NIBAN2: variants seen among roughly 807,000 people sequenced by gnomAD.
The protein encoded by NIBAN2 is protein Niban 2.
In NIBAN2, 36 loss-of-function variants were observed where a neutral mutation model predicts 81.8. The ratio of observed to expected loss-of-function variants is 0.44; its 90% CI spans 0.34 to 0.58. The LOEUF (loss-of-function observed/expected upper bound fraction) is 0.58, where lower values mean the gene tolerates loss of function less well. Among genes scored for constraint, NIBAN2 ranks in the 20% least tolerant of loss-of-function variants. The pLI, the probability that NIBAN2 is intolerant of heterozygous loss-of-function variation, is 0.02. For missense variants in NIBAN2, 897 were observed against 1,014.1 expected, an observed-to-expected ratio of 0.88 and a Z score of 1.57; for synonymous variants, 445 against 441.6, an observed-to-expected ratio of 1.01 and a Z score of -0.10.
chr9:127,506,609 C>G lies in NIBAN2; in HGVS notation c.*236G>C. On this transcript the variant is annotated 3_prime_UTR_variant, in exon 14 of 14. Transcript: ENST00000373312. ...CAGCCCTTGGCACAAGCAGGAAAACCCCAAAACCAGCCCCTGCATCTGAGA... is the reference window on the plus strand; with the variant it reads ...CAGCCCTTGGCACAAGCAGGAAAACGCCAAAACCAGCCCCTGCATCTGAGA... 1 of 425,870 alleles carries G rather than the reference C, an allele frequency of 2.3e-6. No homozygotes were observed. Among genetic ancestry groups the G allele is most frequent in the East Asian group, 3.6e-5 (1 of 28,096 alleles). 26.4% of individuals were successfully genotyped at this position (425,870 alleles called of 1,614,324 possible).
chr9:127,567,284 G>A (rs999994056), intron 1 of NIBAN2, among the ~76,000 whole-genome samples: 1 of 152,212 alleles, frequency 6.6e-6, no homozygotes, highest in Non-Finnish European at 1.5e-5. Context: ...TGGAGGGACT[G>A]TTACAGAGCC....
At chr9:127,561,288 G>A in intron 1 of NIBAN2, 1 of 985,518 alleles carries the variant, frequency 1.0e-6, no homozygotes, top group Non-Finnish European at 1.2e-6. Context: ...GAAAGGAGTG[G>A]GTCATGTCAA....
At position 127,536,884 on chromosome 9, in the gene NIBAN2, A is replaced by C. The variant is rs997685634; in HGVS notation, c.56-5106T>G. ...GAGGAAACTGGCTGTGCCCCCATCT[A>C]CAGAGGCAGGGCTGGCCCGCAGGTC... On this transcript the variant is annotated intron_variant, in intron 1 of 13. Coordinates refer to ENST00000373312, the MANE Select transcript of NIBAN2 (RefSeq NM_022833.4). The surrounding 1 kb of genome is among the most constrained non-coding windows in gnomAD (Gnocchi z 4.0). Among the ~76,000 whole-genome samples the C allele has an allele frequency of 6.6e-6, 1 of 152,150 alleles. No homozygotes were observed.
intron 1 of NIBAN2, chr9:127,561,046 G>T: frequency 1.2e-6 from 1 of 867,206 alleles, no homozygotes; most frequent in Non-Finnish European, 1.4e-6. Context: ...TGACACATGG[G>T]TGGGCAAGGA....
At chr9:127,571,650 C>T (rs565391454), upstream of NIBAN2, among the ~76,000 whole-genome samples, 13 of 151,994 alleles carry the variant, frequency 8.6e-5, no homozygotes, top group African/African-American at 2.2e-4. Context: ...GAGCCAAGAT[C>T]GTGCCACTGC....
chr9:127,518,128 G>C (rs1256266935), intron 5 of NIBAN2, among the ~76,000 whole-genome samples, 187 bp from the exon 6 acceptor site: 1 of 152,126 alleles, frequency 6.6e-6, no homozygotes, highest in Non-Finnish European at 1.5e-5. Context: ...AAGCAGTAAT[G>C]ACCCCACCAC....
upstream of NIBAN2, chr9:127,569,139 G>A (rs1183472997): frequency 1.8e-5 from 13 of 724,352 alleles, no homozygotes; most frequent in Non-Finnish European, 2.0e-5. Flanking sequence ...CCACGCCCCC[G>A]CAGGCCAACC....
At chr9:127,515,556 G>A (rs577421162) in intron 8 of NIBAN2, among the ~76,000 whole-genome samples, 1 of 145,540 alleles carries the variant, frequency 6.9e-6, no homozygotes, top group Admixed American at 7.0e-5. Flanking sequence ...AAAAAAACAG[G>A]CCAGGCACAG....
At chr9:127,542,503 C>T (rs371162055) in intron 1 of NIBAN2, among the ~76,000 whole-genome samples, 3 of 152,202 alleles carry the variant, frequency 2.0e-5, no homozygotes, top group East Asian at 1.9e-4. Context: ...AAGAGAGCCA[C>T]GAAGCCACTG....
chr9:127,571,533 T>C (rs975675555), upstream of NIBAN2, among the ~76,000 whole-genome samples: 14 of 151,860 alleles, frequency 9.2e-5, no homozygotes, highest in Non-Finnish European at 1.9e-4. Context: ...CCATCTCTAT[T>C]AAAAATGCAA....
rs992515259 is a variant in NIBAN2 at position 127,562,440 on chromosome 9, C to T, written c.55+6380G>A. Among the ~76,000 whole-genome samples the T allele has an allele frequency of 2.0e-5, 3 of 152,206 alleles. No homozygotes were observed. The South Asian group carries it at 6.2e-4, about 32-fold the overall frequency. On this transcript the variant is annotated intron_variant, in intron 1 of 13. Coordinates refer to ENST00000373312, the MANE Select transcript of NIBAN2 (RefSeq NM_022833.4). ...GTTGCTAATGTTTACAGTTATCACT[C>T]CGAGCCTGATTACTGCCCCTCCCTG...
rs757505340 is a variant in NIBAN2, at chr9:127,507,835, G to A, written c.1654+32C>T. The A allele has an allele frequency of 7.5e-6, 12 of 1,594,810 alleles. No homozygotes were observed. The Admixed American group carries it at 8.3e-5, about 11-fold the overall frequency. On this transcript the variant is annotated intron_variant, in intron 13 of 13. Coordinates refer to ENST00000373312, the MANE Select transcript of NIBAN2 (RefSeq NM_022833.4). The surrounding 1 kb of genome is among the most constrained non-coding windows in gnomAD (Gnocchi z 6.8). Reference sequence around the variant, plus strand: ...TCAGCTGCGCCCCCAGCATCCTCCTGGCAACAGTCCCCACCCCGGGACGGC... The same window carrying A: ...TCAGCTGCGCCCCCAGCATCCTCCTAGCAACAGTCCCCACCCCGGGACGGC...
chr9:127,512,789 C>A (rs561800359), intron 8 of NIBAN2, among the ~76,000 whole-genome samples: 1 of 152,246 alleles, frequency 6.6e-6, no homozygotes, highest in African/African-American at 2.4e-5. Flanking sequence ...TAAATGAGTA[C>A]AACCACTATG....
At chr9:127,566,376 A>C (rs2249215) in intron 1 of NIBAN2, among the ~76,000 whole-genome samples, 41,489 of 152,012 alleles carry the variant, frequency 0.27, 5,838 homozygotes, top group East Asian at 0.35. Context: ...ATTCTTCCTC[A>C]CGGCACACTG....
chr9:127,540,517 C>T (rs995250413), intron 1 of NIBAN2, among the ~76,000 whole-genome samples: 11 of 152,200 alleles, frequency 7.2e-5, no homozygotes, highest in African/African-American at 2.7e-4. Flanking sequence ...TGCTTGGACA[C>T]GTGCCCCCGA....
intron 1 of NIBAN2, among the ~76,000 whole-genome samples, chr9:127,534,286 C>G (rs1159337592): frequency 1.3e-5 from 2 of 152,206 alleles, no homozygotes; most frequent in African/African-American, 4.8e-5. Context: ...CCTCCCATGG[C>G]CAGTCTCCAG....
chr9:127,518,051 A>C, intron 5 of NIBAN2, 110 bp from the exon 6 acceptor site: 4 of 640,264 alleles, frequency 6.2e-6, no homozygotes, highest in Non-Finnish European at 1.1e-5. Context: ...CATGCACCTC[A>C]GGAGGGGCAG....
chr9:127,571,420 G>T (rs577632058), upstream of NIBAN2, among the ~76,000 whole-genome samples: 5 of 152,140 alleles, frequency 3.3e-5, no homozygotes, highest in Non-Finnish European at 7.4e-5. Context: ...AAAGGCGGCC[G>T]GGCGCAATGG....
intron 5 of NIBAN2, among the ~76,000 whole-genome samples, chr9:127,521,380 A>G (rs926354727): frequency 6.6e-6 from 1 of 152,066 alleles, no homozygotes; most frequent in Non-Finnish European, 1.5e-5. Flanking sequence ...ACAGAGGGGG[A>G]CCACGGTCAG....
Sources: gnomAD v4.1 joint callset for allele counts (sites outside exome capture counted in the v4.1 genomes callset) on GRCh38, gnomAD v4.1.1 for gene constraint, Gnocchi (gnomAD v3.1) non-coding constraint, MANE v1.5 for transcripts, NCBI Gene and HGNC (gene_info 2026-07-23, HGNC 2026-07-21) for gene names.